Variants in ZC3HC1 observed in about 807,000 individuals in gnomAD.
The protein encoded by ZC3HC1 is zinc finger C3HC-type protein 1.
Under a neutral mutation model 61.9 loss-of-function variants are expected in ZC3HC1, and 38 were observed. The observed-to-expected ratio is 0.61, with a 90% CI of 0.47 to 0.81. The LOEUF (loss-of-function observed/expected upper bound fraction) is 0.81, where lower values mean the gene tolerates loss of function less well. ZC3HC1 is among the 30% of genes least tolerant of loss of function. The probability of loss-of-function intolerance (pLI) is 0.00; values close to 1 mark genes in which losing one functional copy is unlikely to be tolerated. For missense variants in ZC3HC1, 554 were observed against 622.7 expected, an observed-to-expected ratio of 0.89 and a Z score of 1.17; for synonymous variants, 213 against 229.9, an observed-to-expected ratio of 0.93 and a Z score of 0.67.
chr7:130,047,511 G>C (rs1794911668), intron 2 of ZC3HC1, among the ~76,000 whole-genome samples: 1 of 152,136 alleles, frequency 6.6e-6, no homozygotes, highest in South Asian at 2.1e-4. Context: ...TAGTTTATAA[G>C]ACAGAAATTC....
intron 2 of ZC3HC1, among the ~76,000 whole-genome samples, chr7:130,048,351 T>C (rs1362034976): frequency 1.7e-4 from 26 of 152,012 alleles, no homozygotes; most frequent in Admixed American, 1.7e-3. Flanking sequence ...ATTTTATTTT[T>C]CTTTTGAGAC....
In ZC3HC1 at chr7:130,022,364, G is replaced by A. The variant is rs766782588; in HGVS notation, c.1395C>T (p.Leu465=). The change falls in exon 9 of 10, where the codon CTC becomes CTT. Residue 465 remains leucine (L), a synonymous_variant. Transcript: ENST00000358303. ...EPGWKAVLTI[L]LAHKQSSQPA... is the part of the protein sequence containing the mutation. ...GCTGGCTAGACTGTTTGTGCGCCAA[G>A]AGGATGGTCAGCACTGCTTTCCAGC... The A allele has an allele frequency of 1.2e-6, 2 of 1,614,162 alleles. No individual in the cohort carries two copies. The highest frequency in any genetic ancestry group is 1.7e-5 in the Admixed American group (1 of 60,008).
At chr7:130,048,958 G>GT (rs2116783694) in intron 2 of ZC3HC1, 75 bp downstream of exon 2, 1 of 1,089,666 alleles carries the variant, frequency 9.2e-7, no homozygotes, top group African/African-American at 1.6e-5. Flanking sequence ...AAGCATCACA[G>GT]TAAGTGGTGT....
At chr7:130,050,078 C>CATTT (rs936564897) in intron 1 of ZC3HC1, among the ~76,000 whole-genome samples, 2 of 151,894 alleles carry the variant, frequency 1.3e-5, no homozygotes, top group Admixed American at 6.6e-5. Context: ...GAAAGACAAG[C>CATTT]ATTTATTTAT....
At chr7:130,022,796 C>G (rs952693690) in intron 8 of ZC3HC1, among the ~76,000 whole-genome samples, 3 of 152,114 alleles carry the variant, frequency 2.0e-5, no homozygotes, top group African/African-American at 7.2e-5. Context: ...AGGAGGTGAA[C>G]AGCAGGCGGG....
intron 2 of ZC3HC1, chr7:130,045,279 A>G (rs946634171): frequency 2.1e-5 from 5 of 235,188 alleles, no homozygotes; most frequent in African/African-American, 4.5e-5. Context: ...GTAAGTCTGT[A>G]ATTTAAAAAT....
rs1158661717 is a variant in ZC3HC1 at position 130,024,251 on chromosome 7, C to T, written c.1020+12G>A. On this transcript the variant is annotated intron_variant, in intron 7 of 9. Coordinates refer to ENST00000358303, the MANE Select transcript of ZC3HC1 (RefSeq NM_016478.5). Reference sequence around the variant, plus strand: ...TGTTTAAAATTCCACCCCAAATAAGCTAAGTGAATACCTGCTCTGAGCCTG... The same window carrying T: ...TGTTTAAAATTCCACCCCAAATAAGTTAAGTGAATACCTGCTCTGAGCCTG... The T allele has an allele frequency of 6.4e-7, 1 of 1,573,704 alleles. No individual in the cohort carries two copies. The highest frequency in any genetic ancestry group is 1.2e-5 in the South Asian group (1 of 86,242).
At position 130,018,530 on chromosome 7, in the gene ZC3HC1, C is replaced by G. The variant is rs1245877617; in HGVS notation, c.*134G>C. 2.8e-6 allele frequency: 2 copies of G among 704,128 alleles called. No homozygotes were observed. Among genetic ancestry groups the G allele is most frequent in the Non-Finnish European group, 4.9e-6 (2 of 406,886 alleles). The allele number at this position is 704,128 out of a possible 1,614,324, so 43.6% of individuals were successfully genotyped here. ...AGATAGTTGACACTCACTGCCTTTG[C>G]TATGGCAGGGGGCTCCTTATGATTA... On this transcript the variant is annotated 3_prime_UTR_variant, in exon 10 of 10. Coordinates refer to ENST00000358303, the MANE Select transcript of ZC3HC1 (RefSeq NM_016478.5).
intron 2 of ZC3HC1, chr7:130,043,960 A>G (rs993676228): frequency 2.4e-6 from 1 of 416,226 alleles, no homozygotes; most frequent in African/African-American, 2.1e-5. Flanking sequence ...AGAAAACTAG[A>G]ATGAATCCTG....
intron 4 of ZC3HC1, among the ~76,000 whole-genome samples, chr7:130,034,354 G>A (rs1190657151): frequency 5.9e-5 from 9 of 151,438 alleles, no homozygotes. Flanking sequence ...GTGTGGTGGC[G>A]GGCGCCTGTA....
chr7:130,029,267 G>A (rs568961395), intron 4 of ZC3HC1, among the ~76,000 whole-genome samples: 19 of 152,070 alleles, frequency 1.2e-4, no homozygotes, highest in African/African-American at 4.6e-4. Context: ...CCAGCTACTC[G>A]GGAGGCTAAG....
chr7:130,029,110 C>T (rs1345257687), intron 4 of ZC3HC1, 81 bp from the exon 5 acceptor site: 1 of 1,453,230 alleles, frequency 6.9e-7, no homozygotes, highest in Non-Finnish European at 9.2e-7. Flanking sequence ...GTGGCTCATA[C>T]CTGTAATCCC....
At position 130,034,061 on chromosome 7, in the gene ZC3HC1, C is replaced by T. The variant is rs574468566; in HGVS notation, c.494-5032G>A. Among the ~76,000 whole-genome samples the T allele has an allele frequency of 5.9e-5, 9 of 152,268 alleles. No individual in the cohort carries two copies. The South Asian group carries it at 1.4e-3, about 25-fold the overall frequency. On this transcript the variant is annotated intron_variant, in intron 4 of 9. Coordinates refer to ENST00000358303, the MANE Select transcript of ZC3HC1 (RefSeq NM_016478.5). ...ACTGCACATGTTTGATAAGTTTTAA[C>T]GTGCACATCCATGTAGCCATCACTG... is the stretch of plus-strand genomic sequence containing the variant.
In ZC3HC1 at chr7:130,050,607, T is replaced by C. The variant is rs899797689; in HGVS notation, c.146+614A>G. 5 of 922,522 alleles carry C rather than the reference T, an allele frequency of 5.4e-6. No homozygotes were observed. The South Asian group carries it at 7.2e-5, about 13-fold the overall frequency. 57.1% of individuals were successfully genotyped at this position (922,522 alleles called of 1,614,324 possible). ...ATTATGAATGAAGGTAAAAACACCATAGTAGTATTAGCAGTACCTGCTAAT... is the reference window on the plus strand; with the variant it reads ...ATTATGAATGAAGGTAAAAACACCACAGTAGTATTAGCAGTACCTGCTAAT... On this transcript the variant is annotated intron_variant, in intron 1 of 9. Transcript: ENST00000358303.
At chr7:130,039,426 A>C in intron 4 of ZC3HC1, 38 bp downstream of exon 4, 1 of 1,518,474 alleles carries the variant, frequency 6.6e-7, no homozygotes, top group Non-Finnish European at 9.0e-7. Flanking sequence ...GCAATGATGA[A>C]GGAAAAATGG....
At chr7:130,032,261 G>T (rs1432556328) in intron 4 of ZC3HC1, among the ~76,000 whole-genome samples, 2 of 150,962 alleles carry the variant, frequency 1.3e-5, no homozygotes, top group Non-Finnish European at 3.0e-5. Context: ...GATAATTTTT[G>T]TAAGTGTTCT....
rs1563073942 is a variant in ZC3HC1, at chr7:130,023,524, G to A, written c.1220C>T (p.Ser407Phe). 3 of 1,614,148 alleles carry A rather than the reference G, an allele frequency of 1.9e-6. No individual in the cohort carries two copies. The highest frequency in any genetic ancestry group is 1.7e-5 in the Admixed American group (1 of 60,022). Residue 407 changes from serine (S) to phenylalanine (F), a missense_variant, in exon 8 of 10, where the codon TCC becomes TTC. Ser to Phe is a radical substitution (Grantham distance 155, BLOSUM62 -2). Transcript: ENST00000358303. The surrounding 1 kb of genome is among the most constrained non-coding windows in gnomAD (Gnocchi z 4.2). ...AGGTGGACTCACCGAACTGCTGGAG[G>A]AGCAGAGGCGAGCTCGCTTGGCTTT... ...LRKAKRARLC[S>F]SSSSDTSSRS...
At chr7:130,025,462 G>T (rs1353076316) in intron 6 of ZC3HC1, among the ~76,000 whole-genome samples, 1 of 151,566 alleles carries the variant, frequency 6.6e-6, no homozygotes, top group Non-Finnish European at 1.5e-5. Context: ...CAATTAAGCG[G>T]ATTTTTCTTC....
intron 2 of ZC3HC1, among the ~76,000 whole-genome samples, chr7:130,046,712 A>G (rs76488607): frequency 7.6e-4 from 116 of 152,352 alleles, no homozygotes; most frequent in Non-Finnish European, 1.4e-3. Context: ...AACTTATGAC[A>G]TAACGTTTAA....
Sources: gnomAD v4.1 joint callset for allele counts (sites outside exome capture counted in the v4.1 genomes callset) on GRCh38, gnomAD v4.1.1 for gene constraint, Gnocchi (gnomAD v3.1) non-coding constraint, MANE v1.5 for transcripts, NCBI Gene and HGNC (gene_info 2026-07-23, HGNC 2026-07-21) for gene names.